Variants in PLEKHA7 observed in about 807,000 individuals in gnomAD.
The protein encoded by PLEKHA7 is pleckstrin homology domain-containing family A member 7.
PLEKHA7 carries 104 observed loss-of-function variants against 170.0 expected under a neutral mutation model. That is an observed-to-expected ratio of 0.61 (90% CI 0.52 to 0.72). The LOEUF (loss-of-function observed/expected upper bound fraction) is 0.72, where lower values mean the gene tolerates loss of function less well. Ranked by LOEUF, PLEKHA7 falls within the 30% of genes least tolerant of loss-of-function variation. The probability of loss-of-function intolerance (pLI) is 0.00; values close to 1 mark genes in which losing one functional copy is unlikely to be tolerated. For synonymous variants in PLEKHA7, 648 were observed against 660.8 expected (o/e 0.98, Z 0.30); for missense variants, 1,615 against 1,671.7 (o/e 0.97, Z 0.59).
chr11:16,782,140 G>A (rs1849073701), intron 26 of PLEKHA7, among the ~76,000 whole-genome samples: 1 of 148,882 alleles, frequency 6.7e-6, no homozygotes, highest in African/African-American at 2.5e-5. Context: ...CACACACATA[G>A]ACACACATTG....
intron 3 of PLEKHA7, among the ~76,000 whole-genome samples, chr11:16,987,518 A>T (rs1241486154): frequency 6.6e-6 from 1 of 152,140 alleles, no homozygotes; most frequent in Non-Finnish European, 1.5e-5. Flanking sequence ...GGTGCTGGGC[A>T]TTGGTTCTAA....
At position 16,789,987 on chromosome 11, in the gene PLEKHA7, C is replaced by T; in HGVS notation, c.3053-109G>A. On this transcript the variant is annotated intron_variant, in intron 21 of 26. Coordinates refer to ENST00000531066, the MANE Select transcript of PLEKHA7 (RefSeq NM_001329630.2). The surrounding 1 kb of genome is among the most constrained non-coding windows in gnomAD (Gnocchi z 4.6). ...AGTACCAAGAGCACCCAGTCAATGACCCACCCTTATTTCTCTTCTTCCTCC... is the reference window on the plus strand; with the variant it reads ...AGTACCAAGAGCACCCAGTCAATGATCCACCCTTATTTCTCTTCTTCCTCC... 1.0e-6 allele frequency: 1 copy of T among 953,726 alleles called. No individual in the cohort carries two copies. Among genetic ancestry groups the T allele is most frequent in the Non-Finnish European group, 1.6e-6 (1 of 610,020 alleles). 59.1% of individuals were successfully genotyped at this position (953,726 alleles called of 1,614,324 possible).
chr11:16,794,219 C>T (rs1213667596), intron 19 of PLEKHA7, among the ~76,000 whole-genome samples: 6 of 151,884 alleles, frequency 4.0e-5, no homozygotes, highest in Admixed American at 2.0e-4. Context: ...CTACTCAGCA[C>T]GCTCACTTCT....
Position 16,811,047 on chromosome 11 carries a change from C to T in PLEKHA7, c.2007+2066G>A, listed in dbSNP as rs1447575259. ...ATTGTTATTAAGCTTCTGTTGGAGT[C>T]GACACTCAGGGACTCTTAGTTCTGC... is the stretch of plus-strand genomic sequence containing the variant. On this transcript the variant is annotated intron_variant, in intron 13 of 26. Transcript: ENST00000531066. Among the ~76,000 whole-genome samples the T allele has an allele frequency of 3.3e-5, 5 of 152,164 alleles. No homozygotes were observed. The East Asian group carries it at 5.8e-4, about 18-fold the overall frequency.
At chr11:16,843,440 T>C (rs1372491854) in intron 8 of PLEKHA7, among the ~76,000 whole-genome samples, 3 of 152,256 alleles carry the variant, frequency 2.0e-5, no homozygotes, top group South Asian at 2.1e-4. Flanking sequence ...CCAAAATGCA[T>C]AGTAAATATG....
chr11:16,956,052 G>A (rs566731159), intron 3 of PLEKHA7, among the ~76,000 whole-genome samples: 5 of 152,296 alleles, frequency 3.3e-5, no homozygotes, highest in East Asian at 1.9e-4. Context: ...GTGACCACAC[G>A]CAGTAGCCTA....
At chr11:16,790,947 C>A (rs1247620271) in intron 20 of PLEKHA7, 32 bp from the exon 21 acceptor site, 1 of 1,613,120 alleles carries the variant, frequency 6.2e-7, no homozygotes, top group Admixed American at 1.7e-5. Flanking sequence ...ATGTGACCTG[C>A]CAGTGTCACA....
chr11:16,796,788 T>A (rs887762224), intron 17 of PLEKHA7, among the ~76,000 whole-genome samples: 19 of 152,260 alleles, frequency 1.2e-4, no homozygotes, highest in Admixed American at 1.0e-3. Context: ...CCCAAGTAGC[T>A]AGGAGTACCG....
At chr11:16,827,446 A>G (rs1457361908) in intron 9 of PLEKHA7, among the ~76,000 whole-genome samples, 3 of 152,200 alleles carry the variant, frequency 2.0e-5, no homozygotes, top group African/African-American at 4.8e-5. Flanking sequence ...TAGACTCCAG[A>G]GCCCATGTGT....
At chr11:16,907,455 C>T (rs1342310972) in intron 3 of PLEKHA7, among the ~76,000 whole-genome samples, 3 of 120,586 alleles carry the variant, frequency 2.5e-5, no homozygotes, top group Admixed American at 1.5e-4. Context: ...CCTGGCCGCC[C>T]CTACTGGGAA....
At chr11:16,958,409 G>T (rs771823535) in intron 3 of PLEKHA7, among the ~76,000 whole-genome samples, 1 of 152,118 alleles carries the variant, frequency 6.6e-6, no homozygotes, top group Non-Finnish European at 1.5e-5. Flanking sequence ...AGTAAAAACA[G>T]AAAAAAGAAT....
At chr11:16,930,949 C>T (rs1014206598) in intron 3 of PLEKHA7, among the ~76,000 whole-genome samples, 11 of 152,198 alleles carry the variant, frequency 7.2e-5, no homozygotes, top group East Asian at 3.8e-4. Flanking sequence ...AAGCTGGAAA[C>T]ATGGAGCACA....
At position 16,841,572 on chromosome 11, in the gene PLEKHA7, C is replaced by T. The variant is rs764870763; in HGVS notation, c.847G>A (p.Val283Met). Reference sequence around the variant, plus strand: ...CTCTTCAGTGACGATCGAGACAGCACCTGTGCAGCCTGGTTCATGGCCCTG... The same window carrying T: ...CTCTTCAGTGACGATCGAGACAGCATCTGTGCAGCCTGGTTCATGGCCCTG... ...WVRAMNQAAQ[V>M]LSRSSLKRDM... The change falls in exon 9 of 27, where the codon GTG (valine) becomes ATG (methionine). Residue 283 changes from valine (V) to methionine (M), a missense_variant. Physicochemically the swap from Val to Met is conservative, Grantham distance 21 (BLOSUM62 1). Coordinates refer to ENST00000531066, the MANE Select transcript of PLEKHA7 (RefSeq NM_001329630.2). 3 of 1,613,792 alleles carry T rather than the reference C, an allele frequency of 1.9e-6. No individual in the cohort carries two copies. In the East Asian group the frequency reaches 6.7e-5, roughly 36 times the overall value.
At position 16,938,491 on chromosome 11, in the gene PLEKHA7, C is replaced by T. The variant is rs1830644167; in HGVS notation, c.222-67309G>A. Among the ~76,000 whole-genome samples, 4 of 151,858 alleles carry T rather than the reference C, an allele frequency of 2.6e-5. No individual in the cohort carries two copies. The South Asian group carries it at 6.2e-4, about 24-fold the overall frequency. On this transcript the variant is annotated intron_variant, in intron 3 of 26. Transcript: ENST00000531066. ...TCTCAATATTCTAAGATAGGTGCCCCCCTCACTTTTTTTTTCAATTTTTCT... is the reference window on the plus strand; with the variant it reads ...TCTCAATATTCTAAGATAGGTGCCCTCCTCACTTTTTTTTTCAATTTTTCT...
At chr11:16,785,133 G>A (rs1025883719) in intron 24 of PLEKHA7, among the ~76,000 whole-genome samples, 2 of 152,136 alleles carry the variant, frequency 1.3e-5, no homozygotes, top group Non-Finnish European at 2.9e-5. Flanking sequence ...AAGACCAGAG[G>A]AACCCCTAAC....
At chr11:16,781,361 C>T (rs1002449649) in intron 26 of PLEKHA7, among the ~76,000 whole-genome samples, 3 of 152,122 alleles carry the variant, frequency 2.0e-5, no homozygotes, top group African/African-American at 7.2e-5. Context: ...GGGCTGGGAG[C>T]GCTCATCTGC....
In PLEKHA7 at chr11:16,979,673, C is replaced by T. The variant is rs375008207; in HGVS notation, c.221+34316G>A. On this transcript the variant is annotated intron_variant, in intron 3 of 26. Transcript: ENST00000531066. ...TCAATGGAGATATACTTGCAAAATA[C>T]TCAAACTTTGAGAACCTGGCCCTAC... is the stretch of plus-strand genomic sequence containing the variant. 2.0e-4 allele frequency among the ~76,000 whole-genome samples: 31 copies of T among 151,912 alleles called. 1 individual carries two copies. The South Asian group carries it at 6.5e-3, about 32-fold the overall frequency.
chr11:16,889,289 T>C (rs1424606424), intron 3 of PLEKHA7, among the ~76,000 whole-genome samples: 2 of 151,076 alleles, frequency 1.3e-5, no homozygotes, highest in African/African-American at 4.9e-5. Context: ...TACCGTAATT[T>C]TCCATTACCT....
intron 3 of PLEKHA7, among the ~76,000 whole-genome samples, chr11:16,986,881 G>A (rs1590791091): frequency 6.6e-6 from 1 of 152,284 alleles, no homozygotes; most frequent in South Asian, 2.1e-4. Flanking sequence ...GGCAGGAAAG[G>A]GGCAGGCCGA....
Sources: gnomAD v4.1 joint callset for allele counts (sites outside exome capture counted in the v4.1 genomes callset) on GRCh38, gnomAD v4.1.1 for gene constraint, Gnocchi (gnomAD v3.1) non-coding constraint, MANE v1.5 for transcripts, NCBI Gene and HGNC (gene_info 2026-07-23, HGNC 2026-07-21) for gene names.